Variants in ARHGAP24 observed in about 807,000 individuals in gnomAD.
ARHGAP24 encodes the protein Rho GTPase activating protein 24, also known as rho GTPase-activating protein 24.
In ARHGAP24, 50 loss-of-function variants were observed where a neutral mutation model predicts 76.4. The observed-to-expected ratio is 0.65, with a 90% confidence interval of 0.52 to 0.83. The LOEUF (loss-of-function observed/expected upper bound fraction) is 0.83. ARHGAP24 is among the 40% of genes least tolerant of loss of function. ARHGAP24 has a pLI of 0.00. For synonymous variants in ARHGAP24, 345 were observed against 323.3 expected, an observed-to-expected ratio of 1.07 and a Z score of -0.72; for missense variants, 930 against 914.2, an observed-to-expected ratio of 1.02 and a Z score of -0.22.
At chr4:85,566,226 T>G (rs756171266) in intron 1 of ARHGAP24, among the ~76,000 whole-genome samples, 19 of 152,216 alleles carry the variant, frequency 1.2e-4, no homozygotes, top group Non-Finnish European at 2.6e-4. Flanking sequence ...TATTTTGTAA[T>G]CTCACATACC....
chr4:85,623,565 G>GT (rs2110005858), intron 2 of ARHGAP24, among the ~76,000 whole-genome samples: 1 of 152,280 alleles, frequency 6.6e-6, no homozygotes, highest in South Asian at 2.1e-4. Flanking sequence ...GATTGACTTT[G>GT]TGATGCGGGC....
intron 3 of ARHGAP24, among the ~76,000 whole-genome samples, chr4:85,900,828 A>G (rs925655088): frequency 6.6e-6 from 1 of 152,162 alleles, no homozygotes; most frequent in Non-Finnish European, 1.5e-5. Context: ...GAACACAATC[A>G]ATCTTCCAAG....
intron 1 of ARHGAP24, among the ~76,000 whole-genome samples, chr4:85,483,686 TTG>T (rs375507013): frequency 1.7e-4 from 26 of 151,326 alleles, no homozygotes; most frequent in African/African-American, 5.1e-4. Flanking sequence ...ATGTTTTAAT[TTG>T]TGTGTGTGTG....
chr4:85,600,403 G>T (rs7685465), intron 2 of ARHGAP24, among the ~76,000 whole-genome samples: 141,233 of 152,296 alleles, frequency 0.93, 65,521 homozygotes, highest in East Asian at 0.98. Flanking sequence ...GTGCACATTG[G>T]GTACAGAATG....
intron 2 of ARHGAP24, among the ~76,000 whole-genome samples, chr4:85,696,002 T>A (rs563412471): frequency 7.2e-5 from 11 of 152,310 alleles, no homozygotes; most frequent in African/African-American, 2.6e-4. Flanking sequence ...CATCTATGTT[T>A]AGCCATACAC....
At chr4:85,779,426 C>T (rs1029678910) in intron 3 of ARHGAP24, among the ~76,000 whole-genome samples, 1 of 152,136 alleles carries the variant, frequency 6.6e-6, no homozygotes, top group African/African-American at 2.4e-5. Context: ...AGTCTAGGCA[C>T]TTTAACTGAT....
At chr4:85,802,557 C>A (rs1728621552) in intron 3 of ARHGAP24, among the ~76,000 whole-genome samples, 1 of 152,174 alleles carries the variant, frequency 6.6e-6, no homozygotes, top group South Asian at 2.1e-4. Context: ...TTTGGGAGAC[C>A]AAGGCGGGTG....
chr4:85,708,176 T>C (rs1044456320), intron 2 of ARHGAP24, among the ~76,000 whole-genome samples: 1 of 152,150 alleles, frequency 6.6e-6, no homozygotes, highest in Non-Finnish European at 1.5e-5. Flanking sequence ...TATATGTATA[T>C]TTGTGATCAC....
chr4:85,719,556 G>C (rs1436655467), intron 2 of ARHGAP24, among the ~76,000 whole-genome samples: 1 of 152,146 alleles, frequency 6.6e-6, no homozygotes, highest in Non-Finnish European at 1.5e-5. Context: ...TATTTTTTGA[G>C]CTGGGAAAAA....
At chr4:85,485,363 AAAAAAAAAAAAAAATATATATATATAT>A (rs1435622819) in intron 1 of ARHGAP24, among the ~76,000 whole-genome samples, 8 of 60,910 alleles carry the variant, frequency 1.3e-4, no homozygotes, top group East Asian at 5.4e-4. Context: ...AAAAAAAAAA[AAAAAAAAAAAAAAATATATATATATAT>A]ATATATATAT....
rs199528525 is a variant in ARHGAP24, at chr4:85,649,037, T to TGTGTGTGTGTG, written c.181-72848_181-72847insGTGTGTGTGTG. Among the ~76,000 whole-genome samples the TGTGTGTGTGTG allele has an allele frequency of 5.4e-3, 596 of 111,140 alleles. 4 individuals carry two copies. The highest frequency in any genetic ancestry group is 0.018 in the African/African-American group (556 of 30,856). 72.9% of individuals were successfully genotyped at this position (111,140 alleles called of 152,430 possible). A position where few individuals can be genotyped will look rare whatever the true frequency, so the allele number is the denominator to read the frequency against. Reference sequence around the variant, plus strand: ...TGTGTGTGTGTGTGTGTGTGTGTGTTTGTGTGTGTGTGCTTATATTCTATT... The same window carrying TGTGTGTGTGTG: ...TGTGTGTGTGTGTGTGTGTGTGTGTTGTGTGTGTGTGTGTGTGTGTGTGCTTATATTCTATT... On this transcript the variant is annotated intron_variant, in intron 2 of 9. Transcript: ENST00000395184.
intron 1 of ARHGAP24, among the ~76,000 whole-genome samples, chr4:85,535,534 G>T (rs1725434922): frequency 6.6e-6 from 1 of 152,164 alleles, no homozygotes; most frequent in African/African-American, 2.4e-5. Flanking sequence ...AACAAAGGAA[G>T]TCATAAAAAC....
At chr4:85,637,617 T>C (rs1721377534) in intron 2 of ARHGAP24, among the ~76,000 whole-genome samples, 1 of 152,096 alleles carries the variant, frequency 6.6e-6, no homozygotes, top group Non-Finnish European at 1.5e-5. Context: ...AGATACTTGA[T>C]TTCAAAAACT....
At chr4:85,685,161 C>G (rs551248834) in intron 2 of ARHGAP24, among the ~76,000 whole-genome samples, 31 of 152,264 alleles carry the variant, frequency 2.0e-4, no homozygotes, top group Non-Finnish European at 3.8e-4. Context: ...AAAGAAACCA[C>G]TTGCTACTTT....
In ARHGAP24 at chr4:85,508,055, C is replaced by CT. The variant is rs33968351; in HGVS notation, c.-21+32508dup. On this transcript the variant is annotated intron_variant, in intron 1 of 9. Coordinates refer to ENST00000395184, the MANE Select transcript of ARHGAP24 (RefSeq NM_001025616.3). ...CCTTTGCCTTTTCAGCATCATTATT[C>CT]TTTTTTTTTTTTAATTCTTAGGTAA... 1.6e-3 allele frequency among the ~76,000 whole-genome samples: 234 copies of CT among 148,890 alleles called. 1 individual carries two copies. Among genetic ancestry groups the CT allele is most frequent in the African/African-American group, 5.4e-3 (218 of 40,360 alleles).
At chr4:85,881,223 G>A (rs2148768476) in intron 3 of ARHGAP24, among the ~76,000 whole-genome samples, 1 of 152,256 alleles carries the variant, frequency 6.6e-6, no homozygotes, top group South Asian at 2.1e-4. Flanking sequence ...ACTACACCAT[G>A]GGTGGGATGG....
intron 3 of ARHGAP24, 73 bp from the exon 4 acceptor site, chr4:85,923,575 G>A (rs1735850678): frequency 1.2e-6 from 2 of 1,601,126 alleles, no homozygotes; most frequent in Middle Eastern, 1.7e-4. Context: ...TCTGTTTCAG[G>A]GGTTCTTCTG....
At chr4:85,819,148 A>C (rs781192309) in intron 3 of ARHGAP24, among the ~76,000 whole-genome samples, 22 of 152,216 alleles carry the variant, frequency 1.4e-4, no homozygotes, top group Admixed American at 3.3e-4. Flanking sequence ...TTATGAATAA[A>C]TATTGGTATA....
At chr4:85,637,129 A>G (rs1289434527) in intron 2 of ARHGAP24, among the ~76,000 whole-genome samples, 2 of 152,128 alleles carry the variant, frequency 1.3e-5, no homozygotes, top group African/African-American at 4.8e-5. Context: ...CTAGAAGTGC[A>G]TGCATTTTTC....
Sources: allele counts gnomAD v4.1 joint callset (sites outside exome capture counted in the v4.1 genomes callset), GRCh38; gene constraint gnomAD v4.1.1; transcripts MANE v1.5; gene names NCBI Gene and HGNC (gene_info 2026-07-23, HGNC 2026-07-21).